Variants in EFL1 observed in about 807,000 individuals in gnomAD.
The protein encoded by EFL1 is elongation factor-like GTPase 1.
EFL1 carries 76 observed loss-of-function variants against 126.7 expected under a neutral mutation model. The ratio of observed to expected loss-of-function variants is 0.60; its 90% CI spans 0.50 to 0.73. The LOEUF is 0.73. Ranked by LOEUF, EFL1 falls within the 30% of genes least tolerant of loss-of-function variation. The pLI is 0.00. For missense variants in EFL1, 1,128 were observed against 1,343.2 expected (o/e 0.84, Z 2.50); for synonymous variants, 410 against 448.4 (o/e 0.91, Z 1.08).
At chr15:82,248,367 G>A (rs928225979) in intron 4 of EFL1, among the ~76,000 whole-genome samples, 5 of 152,118 alleles carry the variant, frequency 3.3e-5, no homozygotes, top group African/African-American at 1.2e-4. Context: ...ACAGCCAGAG[G>A]AAAAGGGAAG....
intron 4 of EFL1, among the ~76,000 whole-genome samples, chr15:82,252,357 A>T (rs1305389400): frequency 6.6e-6 from 1 of 152,220 alleles, no homozygotes; most frequent in Non-Finnish European, 1.5e-5. Context: ...ATCTACTCCA[A>T]ATCTAACATG....
intron 6 of EFL1, 104 bp downstream of exon 6, chr15:82,240,314 T>A: frequency 2.1e-5 from 23 of 1,118,956 alleles, no homozygotes; most frequent in Non-Finnish European, 2.9e-5. Flanking sequence ...GAATCTGAAG[T>A]GGAAAAGTTC....
At chr15:82,172,766 T>C (rs879843260) in intron 15 of EFL1, among the ~76,000 whole-genome samples, 1 of 152,216 alleles carries the variant, frequency 6.6e-6, no homozygotes, top group Non-Finnish European at 1.5e-5. Context: ...AAGCTTCATC[T>C]GTGACTGTCA....
intron 15 of EFL1, among the ~76,000 whole-genome samples, chr15:82,193,013 T>C (rs916557857): frequency 6.6e-6 from 1 of 152,218 alleles, no homozygotes; most frequent in African/African-American, 2.4e-5. Flanking sequence ...CACTTCTTTA[T>C]TGTCTGGATT....
In EFL1 at chr15:82,152,000, G is replaced by A. The variant is rs1224511182; in HGVS notation, c.2454C>T (p.Asn818=). 3 of 1,614,012 alleles carry A rather than the reference G, an allele frequency of 1.9e-6. No individual in the cohort carries two copies. The highest frequency in any genetic ancestry group is 2.7e-5 in the African/African-American group (2 of 74,914). ...CAAATGACCAGATTTGGTCAACAAT[G>A]TTCCTCCATCTTCTCCCTGTTAGGT... ...EQHLTGRRWR[N]IVDQIWSFGP... Residue 818 remains asparagine (N), a synonymous_variant, in exon 18 of 20, where the codon AAC becomes AAT. Transcript: ENST00000268206.
chr15:82,187,729 TA>T (rs2074317585), intron 15 of EFL1, among the ~76,000 whole-genome samples: 2 of 152,152 alleles, frequency 1.3e-5, no homozygotes, highest in Non-Finnish European at 2.9e-5. Context: ...CTGTAAATTC[TA>T]ATTTTTATTT....
chr15:82,145,516 C>T (rs1371452288), intron 18 of EFL1, among the ~76,000 whole-genome samples: 2 of 151,536 alleles, frequency 1.3e-5, no homozygotes, highest in African/African-American at 2.4e-5. Flanking sequence ...GGAAGAACTA[C>T]AATAATCACA....
At chr15:82,185,386 T>A (rs1457504346) in intron 15 of EFL1, among the ~76,000 whole-genome samples, 5 of 151,872 alleles carry the variant, frequency 3.3e-5, no homozygotes, top group South Asian at 2.1e-4. Context: ...CATATCTTCA[T>A]AAATGAAAAA....
At chr15:82,254,302 C>T (rs1337920622) in intron 3 of EFL1, among the ~76,000 whole-genome samples, 1 of 152,154 alleles carries the variant, frequency 6.6e-6, no homozygotes, top group African/African-American at 2.4e-5. Flanking sequence ...GCTGGTTTCC[C>T]TTCACCTCTC....
chr15:82,214,816 G>A lies in EFL1; in HGVS notation c.1651C>T (p.Gln551Ter). The A allele has an allele frequency of 6.3e-7, 1 of 1,591,300 alleles. No homozygotes were observed. ...GCACAGTATGCCATGTGGGGGACTT[G>A]GGGGAGGCCATCTGGTGGAGCTGAG... ...GFSAPPDGLP[Q>*]VPHMAYCALE... The change falls in exon 15 of 20, where the codon CAA (glutamine) becomes TAA (stop). Residue 551 changes from glutamine (Q) to a stop codon, truncating the protein, a stop_gained. Transcript: ENST00000268206. LOFTEE classifies it high-confidence loss of function.
chr15:82,238,790 C>T (rs1015768233), intron 6 of EFL1, among the ~76,000 whole-genome samples: 14 of 152,036 alleles, frequency 9.2e-5, no homozygotes, highest in Non-Finnish European at 2.1e-4. Flanking sequence ...GTGTCATATC[C>T]TTAATTTGTT....
chr15:82,144,091 C>T lies in EFL1; in HGVS notation c.2990-5249G>A, dbSNP rs1008771914. The stretch of plus-strand genomic sequence containing the variant: ...CAACCTGGGCAACATGGTGAGACTC[C>T]GTCTCCACAAACATTAAAAAGTTAG... On this transcript the variant is annotated intron_variant, in intron 18 of 19. Coordinates refer to ENST00000268206, the MANE Select transcript of EFL1 (RefSeq NM_024580.6). Among the ~76,000 whole-genome samples the T allele has an allele frequency of 1.2e-4, 19 of 152,134 alleles. 1 individual carries two copies. The highest frequency in any genetic ancestry group is 6.8e-3 in the Middle Eastern group (2 of 294).
At position 82,259,169 on chromosome 15, in the gene EFL1, A is replaced by G; in HGVS notation, c.92-14T>C. ...GAGTAGTTTTTCCTGTTAAAATAGC[A>G]ACATCAATTCAAATCTATATCTTTT... On this transcript the variant is annotated splice_polypyrimidine_tract_variant and intron_variant, in intron 2 of 19. Coordinates refer to ENST00000268206, the MANE Select transcript of EFL1 (RefSeq NM_024580.6). The G allele has an allele frequency of 6.2e-7, 1 of 1,610,064 alleles. No individual in the cohort carries two copies.
chr15:82,193,563 G>T (rs2074380512), intron 15 of EFL1, among the ~76,000 whole-genome samples: 1 of 152,286 alleles, frequency 6.6e-6, no homozygotes, highest in African/African-American at 2.4e-5. Flanking sequence ...CCTAAGCTTG[G>T]AGGCACTTAG....
At chr15:82,140,342 A>G (rs2073772763) in intron 18 of EFL1, among the ~76,000 whole-genome samples, 1 of 151,540 alleles carries the variant, frequency 6.6e-6, no homozygotes. Context: ...TTTTTCCCCC[A>G]ATTTTCATTC....
At position 82,228,224 on chromosome 15, in the gene EFL1, T is replaced by C; in HGVS notation, c.1036A>G (p.Ser346Gly). ...DPKVQINAIC[S>G]QWLPISHAVL... ...GCATGGGATATGGGTAGCCACTGAC[T>C]GCAAATGGCGTTGATCTGAACTTTA... Residue 346 changes from serine to glycine, a missense_variant, in exon 10 of 20, where the codon AGT becomes GGT. Ser to Gly is a moderately conservative substitution (Grantham distance 56, BLOSUM62 0). This residue lies in a region of EFL1 where 316 missense variants were observed against 318.5 expected (regional missense o/e 0.99). Transcript: ENST00000268206. 6.2e-7 allele frequency: 1 copy of C among 1,613,932 alleles called. No homozygotes were observed.
intron 15 of EFL1, among the ~76,000 whole-genome samples, chr15:82,205,669 T>C (rs905320565): frequency 2.6e-5 from 4 of 152,218 alleles, no homozygotes; most frequent in African/African-American, 9.6e-5. Flanking sequence ...TCATTTCATC[T>C]TCCCTAATTA....
intron 16 of EFL1, among the ~76,000 whole-genome samples, chr15:82,158,979 G>A (rs2073995035): frequency 6.6e-6 from 1 of 152,178 alleles, no homozygotes; most frequent in South Asian, 2.1e-4. Flanking sequence ...TAGAAGCTGG[G>A]CAGCCAGCCA....
chr15:82,209,573 T>C (rs1201807884), intron 15 of EFL1, among the ~76,000 whole-genome samples: 4 of 152,232 alleles, frequency 2.6e-5, no homozygotes, highest in Non-Finnish European at 5.9e-5. Flanking sequence ...CCTAATTCAA[T>C]TTCCCCTCAC....
Sources: allele counts gnomAD v4.1 joint callset (sites outside exome capture counted in the v4.1 genomes callset), GRCh38; gene constraint gnomAD v4.1.1; regional missense constraint gnomAD v4.1.1; transcripts MANE v1.5; gene names NCBI Gene and HGNC (gene_info 2026-07-23, HGNC 2026-07-21).